The following RERE variants were observed in gnomAD, a reference collection of about 807,000 sequenced individuals.
The protein encoded by RERE is arginine-glutamic acid dipeptide repeats.
Under a neutral mutation model 146.1 loss-of-function variants are expected in RERE, and 40 were observed. That is an observed-to-expected ratio of 0.27 (90% CI 0.21 to 0.36). RERE has a LOEUF of 0.36. RERE is among the 10% of genes least tolerant of loss of function. The pLI is 1.00. For synonymous variants in RERE, 1,003 were observed against 866.0 expected (o/e 1.16, Z -2.78); for missense variants, 1,933 against 2,138.7 (o/e 0.90, Z 1.90).
intron 4 of RERE, among the ~76,000 whole-genome samples, chr1:8,568,282 G>C (rs949118869): frequency 6.6e-6 from 1 of 152,190 alleles, no homozygotes; most frequent in African/African-American, 2.4e-5. Context: ...CTGGCCTTCA[G>C]CCTCAGACAG....
At chr1:8,650,579 G>C (rs1454765062) in intron 2 of RERE, among the ~76,000 whole-genome samples, 1 of 151,964 alleles carries the variant, frequency 6.6e-6, no homozygotes, top group Non-Finnish European at 1.5e-5. Flanking sequence ...CCTAGCCAAT[G>C]TGGTAAAACC....
chr1:8,716,556 A>G (rs907801784), intron 1 of RERE, among the ~76,000 whole-genome samples: 2 of 152,108 alleles, frequency 1.3e-5, no homozygotes, highest in Non-Finnish European at 2.9e-5. Flanking sequence ...AAAAGTTCAA[A>G]CAGTTTGCCT....
At chr1:8,595,500 TTTTATGTA>T (rs1646545215) in intron 4 of RERE, among the ~76,000 whole-genome samples, 1 of 151,546 alleles carries the variant, frequency 6.6e-6, no homozygotes, top group Admixed American at 6.6e-5. Flanking sequence ...ATGTATTTAT[TTTTATGTA>T]TTTATGTATT....
intron 1 of RERE, chr1:8,753,403 T>C (rs1479081694): frequency 6.6e-6 from 1 of 152,200 alleles, no homozygotes; most frequent in African/African-American, 2.4e-5. Context: ...GAAATTCAGA[T>C]TTTTAAGGTA....
chr1:8,382,038 C>A (rs1642478232), intron 12 of RERE, among the ~76,000 whole-genome samples: 1 of 152,236 alleles, frequency 6.6e-6, no homozygotes, highest in Admixed American at 6.5e-5. Flanking sequence ...AAAGTGGTTA[C>A]AGTCAAAATC....
chr1:8,694,702 T>C (rs1639283417), intron 1 of RERE, among the ~76,000 whole-genome samples: 1 of 151,484 alleles, frequency 6.6e-6, no homozygotes. Context: ...GAGGTTGAAA[T>C]GAGCCAAGAT....
intron 10 of RERE, among the ~76,000 whole-genome samples, chr1:8,478,443 C>T (rs1644787935): frequency 6.6e-6 from 1 of 152,194 alleles, no homozygotes; most frequent in African/African-American, 2.4e-5. Context: ...GCTGCAGTGG[C>T]TGGAATACAC....
intron 1 of RERE, among the ~76,000 whole-genome samples, chr1:8,736,835 T>C (rs953385510): frequency 3.8e-5 from 5 of 130,678 alleles, no homozygotes; most frequent in Non-Finnish European, 6.2e-5. Context: ...CTGTTACCTC[T>C]AGGAGAAGCA....
At chr1:8,377,494 T>C (rs1642296893) in intron 12 of RERE, among the ~76,000 whole-genome samples, 1 of 152,200 alleles carries the variant, frequency 6.6e-6, no homozygotes, top group Non-Finnish European at 1.5e-5. Flanking sequence ...ATTCATTTTA[T>C]TAGAGTTCAG....
Position 8,466,017 on chromosome 1 carries a change from C to T in RERE, c.1111G>A (p.Glu371Lys). 2 of 1,608,530 alleles carry T rather than the reference C, an allele frequency of 1.2e-6. No homozygotes were observed. Among genetic ancestry groups the T allele is most frequent in the Non-Finnish European group, 1.7e-6 (2 of 1,175,596 alleles). The change falls in exon 11 of 23, where the codon GAA becomes AAA. Residue 371 changes from glutamate (E) to lysine (K), a missense_variant. Glu to Lys is a moderately conservative substitution (Grantham distance 56). This residue lies in a region of RERE where 260 missense variants were observed against 378.4 expected (regional missense o/e 0.69). Transcript: ENST00000400908. ...GCTTTGCCAGCATCGTAACCGCTTT[C>T]ATGCAGCTAAAACAACAACAATTAT... ...TTLNALNTLH[E>K]SGYDAGKALQ...
At chr1:8,706,574 T>C (rs888985524) in intron 1 of RERE, among the ~76,000 whole-genome samples, 9 of 152,202 alleles carry the variant, frequency 5.9e-5, no homozygotes, top group African/African-American at 2.2e-4. Flanking sequence ...AAACAGAATA[T>C]AAAACTTAGA....
chr1:8,510,734 T>C (rs1334061809), intron 7 of RERE, among the ~76,000 whole-genome samples: 1 of 151,922 alleles, frequency 6.6e-6, no homozygotes, highest in Non-Finnish European at 1.5e-5. Flanking sequence ...TACAAGTAGG[T>C]CTAGCCAGAA....
chr1:8,406,503 C>T (rs1023129779), intron 12 of RERE, among the ~76,000 whole-genome samples: 1 of 152,068 alleles, frequency 6.6e-6, no homozygotes, highest in African/African-American at 2.4e-5. Context: ...ACCACACACG[C>T]ACACACACAA....
chr1:8,711,510 G>A (rs1396965911), intron 1 of RERE, among the ~76,000 whole-genome samples: 1 of 152,158 alleles, frequency 6.6e-6, no homozygotes, highest in African/African-American at 2.4e-5. Context: ...CTCAGACTGT[G>A]CAGATCAAAT....
At chr1:8,552,068 A>C (rs1456311839) in intron 6 of RERE, among the ~76,000 whole-genome samples, 1 of 152,268 alleles carries the variant, frequency 6.6e-6, no homozygotes, top group African/African-American at 2.4e-5. Context: ...ACAGCAATGC[A>C]GTAATGCTGA....
chr1:8,613,814 C>T (rs1403237229), intron 4 of RERE, among the ~76,000 whole-genome samples: 4 of 152,082 alleles, frequency 2.6e-5, no homozygotes, highest in Non-Finnish European at 5.9e-5. Flanking sequence ...GAAAACACTA[C>T]CATTAAATCC....
chr1:8,748,691 A>C (rs1640472019), intron 1 of RERE, among the ~76,000 whole-genome samples: 1 of 152,186 alleles, frequency 6.6e-6, no homozygotes, highest in Non-Finnish European at 1.5e-5. Flanking sequence ...AATATCGCCA[A>C]GTACGAAAAA....
intron 4 of RERE, among the ~76,000 whole-genome samples, chr1:8,613,105 G>A (rs1442369836): frequency 1.3e-5 from 2 of 152,090 alleles, no homozygotes; most frequent in Non-Finnish European, 2.9e-5. Context: ...CATGAATGGC[G>A]GCCCTAGCCT....
Position 8,495,016 on chromosome 1 carries a change from G to T in RERE, c.1104+47C>A, listed in dbSNP as rs575934035. On this transcript the variant is annotated intron_variant, in intron 10 of 22. Transcript: ENST00000400908. ...CACACATTCCCTACAGCCAGTTCAG[G>T]GGAAAAAGAAGTGTCTTCCCACTCA... 602 of 1,340,014 alleles carry T rather than the reference G, an allele frequency of 4.5e-4. 8 individuals are homozygous for T. The South Asian group carries it at 5.9e-3, about 13-fold the overall frequency. 83.0% of individuals were successfully genotyped at this position (1,340,014 alleles called of 1,614,324 possible).
Sources: allele counts gnomAD v4.1 joint callset (sites outside exome capture counted in the v4.1 genomes callset), GRCh38; gene constraint gnomAD v4.1.1; regional missense constraint gnomAD v4.1.1; transcripts MANE v1.5; gene names NCBI Gene and HGNC (gene_info 2026-07-23, HGNC 2026-07-21).